TNS3: variants seen among roughly 807,000 people sequenced by gnomAD.
TNS3 encodes the protein tensin 3.
In TNS3, 45 loss-of-function variants were observed where a neutral mutation model predicts 140.9. That is an observed-to-expected ratio of 0.32 (90% CI 0.25 to 0.41). The LOEUF (loss-of-function observed/expected upper bound fraction) is 0.41. Ranked by LOEUF, TNS3 falls within the 10% of genes least tolerant of loss-of-function variation. The probability of loss-of-function intolerance (pLI) is 1.00; values close to 1 mark genes in which losing one functional copy is unlikely to be tolerated. For synonymous variants in TNS3, 815 were observed against 788.4 expected (o/e 1.03, Z -0.56); for missense variants, 1,716 against 1,906.7 (o/e 0.90, Z 1.86).
chr7:47,559,721 C>T (rs1325532265), intron 1 of TNS3, among the ~76,000 whole-genome samples: 1 of 152,156 alleles, frequency 6.6e-6, no homozygotes, highest in Non-Finnish European at 1.5e-5. Context: ...CCTTGTCCAT[C>T]TCTGCACTCA....
intron 27 of TNS3, 80 bp from the exon 28 acceptor site, chr7:47,283,945 A>T (rs1785278428): frequency 3.7e-6 from 5 of 1,354,232 alleles, no homozygotes; most frequent in Non-Finnish European, 4.9e-6. Flanking sequence ...GCAGTTGCTG[A>T]TGTGCAGACT....
chr7:47,449,673 T>A (rs1368292207), intron 4 of TNS3, among the ~76,000 whole-genome samples: 1 of 152,194 alleles, frequency 6.6e-6, no homozygotes, highest in Non-Finnish European at 1.5e-5. Context: ...AGTGGGGTGA[T>A]CTTGGCTCAC....
rs114278986 is a variant in TNS3, at chr7:47,468,583, C to G, written c.-76+12520G>C. On this transcript the variant is annotated intron_variant, in intron 4 of 30. Transcript: ENST00000311160. ...ATGCGTGACTACTGCTGAAAGAAAT[C>G]AGAGAAAACACAAGCAAATGGAAAA... Among the ~76,000 whole-genome samples, 802 of 152,198 alleles carry G rather than the reference C, an allele frequency of 5.3e-3. 12 individuals carry two copies. Among genetic ancestry groups the G allele is most frequent in the African/African-American group, 0.018 (760 of 41,540 alleles).
intron 4 of TNS3, among the ~76,000 whole-genome samples, chr7:47,448,138 G>T (rs1032006308): frequency 6.6e-6 from 1 of 152,178 alleles, no homozygotes; most frequent in African/African-American, 2.4e-5. Context: ...TGCTCCCTTG[G>T]CTGTCACATC....
At position 47,431,616 on chromosome 7, in the gene TNS3, C is replaced by T. The variant is rs79779326; in HGVS notation, c.325-3240G>A. ...CAAAAAACAAAACAAAACACAAAAC[C>T]TAATGTTGTACCTGAAGGAACAAAG... On this transcript the variant is annotated intron_variant, in intron 8 of 30. Coordinates refer to ENST00000311160, the MANE Select transcript of TNS3 (RefSeq NM_022748.12). 8.4e-3 allele frequency among the ~76,000 whole-genome samples: 1,278 copies of T among 152,138 alleles called. 19 individuals carry two copies. Among genetic ancestry groups the T allele is most frequent in the African/African-American group, 0.028 (1,173 of 41,508 alleles).
intron 4 of TNS3, among the ~76,000 whole-genome samples, chr7:47,479,960 T>C (rs1372921056): frequency 1.3e-5 from 2 of 151,862 alleles, no homozygotes. Flanking sequence ...GCCCACTGGG[T>C]AAAGGAGGAA....
At chr7:47,351,417 T>A (rs1409419195) in intron 17 of TNS3, among the ~76,000 whole-genome samples, 1 of 151,704 alleles carries the variant, frequency 6.6e-6, no homozygotes, top group Non-Finnish European at 1.5e-5. Context: ...GCAGCAGGGG[T>A]CTCTCTCTCC....
intron 25 of TNS3, 125 bp from the exon 26 acceptor site, chr7:47,293,030 T>C (rs1001815334): frequency 1.6e-5 from 12 of 738,850 alleles, no homozygotes; most frequent in African/African-American, 1.6e-4. Context: ...GCAACTGGTA[T>C]GTTAGATTAG....
At chr7:47,533,837 G>T (rs1799506393) in intron 1 of TNS3, among the ~76,000 whole-genome samples, 1 of 152,140 alleles carries the variant, frequency 6.6e-6, no homozygotes, top group Non-Finnish European at 1.5e-5. Context: ...TGTGAGATGT[G>T]CCTTTCACCT....
At position 47,437,288 on chromosome 7, in the gene TNS3, T is replaced by C. The variant is rs1311506168; in HGVS notation, c.176A>G (p.Tyr59Cys). Residue 59 changes from tyrosine to cysteine, a missense_variant, in exon 7 of 31, where the codon TAT becomes TGT. Around this residue, in one of 3 missense-constraint regions of TNS3, gnomAD observed 337 missense variants for 428.9 expected, o/e 0.79. Transcript: ENST00000311160. ...CTTTGGGTTAAGCTTCGTAAGGTCA[T>C]ATCTCTTTTCTGAAAGGTTTAATAC... is the stretch of plus-strand genomic sequence containing the variant. ...YLVLNLSEKR[Y>C]DLTKLNPKIM... 1.9e-6 allele frequency: 3 copies of C among 1,552,490 alleles called. No individual in the cohort carries two copies. The highest frequency in any genetic ancestry group is 2.8e-5 in the African/African-American group (2 of 71,502).
At chr7:47,280,133 G>A (rs1035762130) in intron 30 of TNS3, 31 bp downstream of exon 30, 2 of 1,613,726 alleles carry the variant, frequency 1.2e-6, no homozygotes, top group Non-Finnish European at 1.7e-6. Flanking sequence ...TGCAGACAAG[G>A]AGAGAATGTA....
At chr7:47,333,026 G>A (rs1788429333) in intron 20 of TNS3, among the ~76,000 whole-genome samples, 1 of 152,156 alleles carries the variant, frequency 6.6e-6, no homozygotes, top group Non-Finnish European at 1.5e-5. Context: ...CAGCATGGTA[G>A]AGAAGTCTGC....
At chr7:47,335,240 G>C (rs1788566977) in intron 20 of TNS3, among the ~76,000 whole-genome samples, 3 of 152,124 alleles carry the variant, frequency 2.0e-5, no homozygotes, top group Admixed American at 2.0e-4. Context: ...CGATGGCGAG[G>C]GCTGCCACTG....
chr7:47,548,468 C>G (rs890607145), intron 1 of TNS3, among the ~76,000 whole-genome samples: 1 of 152,168 alleles, frequency 6.6e-6, no homozygotes, highest in Admixed American at 6.5e-5. Flanking sequence ...AAGTCACCAC[C>G]TAGCCATAGC....
At chr7:47,522,224 C>T (rs1188080211) in intron 2 of TNS3, among the ~76,000 whole-genome samples, 1 of 152,232 alleles carries the variant, frequency 6.6e-6, no homozygotes, top group Non-Finnish European at 1.5e-5. Flanking sequence ...AAACTAAAGC[C>T]TCTGTGCATC....
chr7:47,291,950 C>T lies in TNS3; in HGVS notation c.3928+5G>A. ...AGATGTAGAAATGGAGCTGCATTTA[C>T]TGACCTGCCCCCTGCTTCAACAGCT... is the stretch of plus-strand genomic sequence containing the variant. On this transcript the variant is annotated splice_donor_5th_base_variant and intron_variant, in intron 27 of 30. Coordinates refer to ENST00000311160, the MANE Select transcript of TNS3 (RefSeq NM_022748.12). 1 of 1,614,030 alleles carries T rather than the reference C, an allele frequency of 6.2e-7. No individual in the cohort carries two copies. Among genetic ancestry groups the T allele is most frequent in the Non-Finnish European group, 8.5e-7 (1 of 1,179,962 alleles).
intron 1 of TNS3, 83 bp from the exon 2 acceptor site, chr7:47,529,230 T>A (rs1193614393): frequency 1.3e-6 from 1 of 762,872 alleles, no homozygotes; most frequent in Non-Finnish European, 1.8e-6. Flanking sequence ...AAATAATAAA[T>A]CTAGTGGAAT....
intron 17 of TNS3, among the ~76,000 whole-genome samples, chr7:47,366,632 C>T (rs1381779660): frequency 6.6e-6 from 1 of 151,686 alleles, no homozygotes; most frequent in East Asian, 2.0e-4. Context: ...AGACCTGAGT[C>T]GGGACTGCAG....
chr7:47,580,750 A>G (rs1479792168), intron 1 of TNS3, among the ~76,000 whole-genome samples: 1 of 152,236 alleles, frequency 6.6e-6, no homozygotes, highest in Non-Finnish European at 1.5e-5. Context: ...CAAAAGGGAA[A>G]GCATGAAAGC....
Sources: allele counts gnomAD v4.1 joint callset (sites outside exome capture counted in the v4.1 genomes callset), GRCh38; gene constraint gnomAD v4.1.1; regional missense constraint gnomAD v4.1.1; transcripts MANE v1.5; gene names NCBI Gene and HGNC (gene_info 2026-07-23, HGNC 2026-07-21).